MEMO1: variants seen among roughly 807,000 people sequenced by gnomAD.
MEMO1 encodes protein MEMO1.
Under a neutral mutation model 45.2 loss-of-function variants are expected in MEMO1, and 6 were observed. That is an observed-to-expected ratio of 0.13 (90% CI 0.07 to 0.26). The LOEUF is 0.26. Ranked by LOEUF, MEMO1 falls within the 10% of genes least tolerant of loss-of-function variation. The pLI is 1.00. For synonymous variants in MEMO1, 78 were observed against 124.3 expected (o/e 0.63, Z 2.48); for missense variants, 184 against 370.5 (o/e 0.50, Z 4.13).
At chr2:31,912,417 G>C (rs1008316730) in intron 6 of MEMO1, among the ~76,000 whole-genome samples, 2 of 151,558 alleles carry the variant, frequency 1.3e-5, no homozygotes, top group African/African-American at 4.9e-5. Flanking sequence ...GGAGGCTGAG[G>C]CAGGAGAATC....
At chr2:31,894,022 T>C (rs1441836682) in intron 6 of MEMO1, among the ~76,000 whole-genome samples, 1 of 152,198 alleles carries the variant, frequency 6.6e-6, no homozygotes, top group Non-Finnish European at 1.5e-5. Flanking sequence ...TGAAATGTAA[T>C]ACTACTAGGA....
intron 4 of MEMO1, among the ~76,000 whole-genome samples, chr2:31,924,251 C>T (rs931333985): frequency 3.3e-5 from 5 of 151,882 alleles, no homozygotes; most frequent in African/African-American, 9.7e-5. Context: ...GAATAGTGTA[C>T]ATTAAAGTTC....
At position 31,920,785 on chromosome 2, in the gene MEMO1, T is replaced by G; in HGVS notation, c.325+13A>C. The G allele has an allele frequency of 2.7e-6, 4 of 1,458,142 alleles. No homozygotes were observed. The South Asian group carries it at 3.9e-5, about 14-fold the overall frequency. The allele number at this position is 1,458,142 out of a possible 1,614,324, so 90.3% of individuals were successfully genotyped here. On this transcript the variant is annotated intron_variant, in intron 5 of 9. Coordinates refer to ENST00000404530, the MANE Select transcript of MEMO1 (RefSeq NM_001301833.4). ...TTAGCTATTTGAAAGCTATAATATT[T>G]CTATATACTTACTCTTTTGGTCAAT...
chr2:31,996,573 A>T (rs1177453995), intron 2 of MEMO1, among the ~76,000 whole-genome samples: 1 of 152,188 alleles, frequency 6.6e-6, no homozygotes, highest in African/African-American at 2.4e-5. Flanking sequence ...AGAAAAAATA[A>T]GACAAATCCC....
At chr2:31,987,919 T>A (rs1009003992) in intron 2 of MEMO1, among the ~76,000 whole-genome samples, 4 of 152,098 alleles carry the variant, frequency 2.6e-5, no homozygotes, top group Non-Finnish European at 4.4e-5. Context: ...AAAAATAAAA[T>A]CACCTGTAAT....
intron 6 of MEMO1, chr2:31,893,248 A>T (rs1677220383): frequency 1.1e-6 from 1 of 932,094 alleles, no homozygotes; most frequent in South Asian, 2.1e-5. Flanking sequence ...TTACCCTGTC[A>T]ATTGCGAAAT....
At chr2:31,955,971 G>C (rs969509742) in intron 2 of MEMO1, among the ~76,000 whole-genome samples, 19 of 151,896 alleles carry the variant, frequency 1.3e-4, no homozygotes, top group African/African-American at 4.4e-4. Context: ...TTAAATGAAG[G>C]CTTCAAAAAC....
At chr2:31,926,557 T>G (rs1369114980) in intron 4 of MEMO1, among the ~76,000 whole-genome samples, 1 of 151,830 alleles carries the variant, frequency 6.6e-6, no homozygotes, top group Non-Finnish European at 1.5e-5. Flanking sequence ...CATTAAGAAA[T>G]GTTATTTTTT....
chr2:31,899,006 C>A (rs1678332868), intron 6 of MEMO1, among the ~76,000 whole-genome samples: 1 of 152,032 alleles, frequency 6.6e-6, no homozygotes, highest in Admixed American at 6.6e-5. Context: ...GGTTTAAAGT[C>A]TGTTTTATCA....
At chr2:31,965,201 G>A (rs562541392) in intron 2 of MEMO1, among the ~76,000 whole-genome samples, 8 of 149,480 alleles carry the variant, frequency 5.4e-5, no homozygotes, top group Admixed American at 6.7e-5. Flanking sequence ...CAACAAGGGC[G>A]AAACTCCATC....
chr2:31,971,253 A>G lies in MEMO1; in HGVS notation c.62-27870T>C, dbSNP rs554786083. ...AGTCACCCAGAAAAATGTAAGCATA[A>G]ACCTTTTTTTTTGAAAAAGAGTCTT... On this transcript the variant is annotated intron_variant, in intron 2 of 9. Coordinates refer to ENST00000404530, the MANE Select transcript of MEMO1 (RefSeq NM_001301833.4). Among the ~76,000 whole-genome samples the G allele has an allele frequency of 5.9e-5, 9 of 152,156 alleles. No homozygotes were observed. In the South Asian group the frequency reaches 1.2e-3, roughly 21 times the overall value.
intron 6 of MEMO1, among the ~76,000 whole-genome samples, chr2:31,909,925 T>G (rs540819754): frequency 7.2e-5 from 11 of 151,994 alleles, no homozygotes; most frequent in African/African-American, 2.7e-4. Flanking sequence ...AAATTGACAC[T>G]TAGGTATATT....
chr2:31,920,719 A>G (rs1277079657), intron 5 of MEMO1, 79 bp downstream of exon 5: 8 of 761,170 alleles, frequency 1.1e-5, no homozygotes, highest in African/African-American at 1.8e-5. Context: ...TATGATATTC[A>G]TAAGTTTTTA....
chr2:31,968,405 CAGG>C (rs1437750422), intron 2 of MEMO1, among the ~76,000 whole-genome samples: 1 of 152,196 alleles, frequency 6.6e-6, no homozygotes, highest in Non-Finnish European at 1.5e-5. Context: ...GAACTATGTT[CAGG>C]AGCTGTCATG....
In MEMO1 at chr2:31,868,296, G is replaced by A; in HGVS notation, c.*65C>T. On this transcript the variant is annotated 3_prime_UTR_variant, in exon 10 of 10. Transcript: ENST00000404530. ...AAACCAGGACCAGTATCGTGGTAAA[G>A]GCTAGGCTGGGACCCCGGACAGAGT... is the stretch of plus-strand genomic sequence containing the variant. 14 of 1,411,398 alleles carry A rather than the reference G, an allele frequency of 9.9e-6. No individual in the cohort carries two copies. The highest frequency in any genetic ancestry group is 1.3e-5 in the Non-Finnish European group (14 of 1,076,860). The allele number at this position is 1,411,398 out of a possible 1,614,324, so 87.4% of individuals were successfully genotyped here. A position where few individuals can be genotyped will look rare whatever the true frequency, so the allele number is the denominator to read the frequency against.
At chr2:31,947,285 C>T (rs1374333846) in intron 2 of MEMO1, among the ~76,000 whole-genome samples, 4 of 152,162 alleles carry the variant, frequency 2.6e-5, no homozygotes, top group Non-Finnish European at 4.4e-5. Context: ...TGTAAAAAGA[C>T]CAATTTCTTC....
chr2:31,917,221 T>C (rs1681589416), intron 6 of MEMO1, among the ~76,000 whole-genome samples: 1 of 152,148 alleles, frequency 6.6e-6, no homozygotes, highest in Admixed American at 6.5e-5. Context: ...ATTAAGTCCA[T>C]ATATAGGAAA....
At chr2:31,908,019 A>C (rs925747752) in intron 6 of MEMO1, among the ~76,000 whole-genome samples, 2 of 152,184 alleles carry the variant, frequency 1.3e-5, no homozygotes, top group African/African-American at 4.8e-5. Context: ...ATGGTAAAAA[A>C]AATTCTTTTT....
Position 31,940,725 on chromosome 2 carries a change from G to A in MEMO1, c.143+2577C>T, listed in dbSNP as rs186913310. Among the ~76,000 whole-genome samples the A allele has an allele frequency of 1.1e-3, 163 of 152,232 alleles. 1 individual carries two copies. Among genetic ancestry groups the A allele is most frequent in the African/African-American group, 3.9e-3 (161 of 41,540 alleles). On this transcript the variant is annotated intron_variant, in intron 3 of 9. Transcript: ENST00000404530. ...TCCAGCTAATTTTTGTAGAGATGGA[G>A]TCTTGTTTTGTTGCCCATGCTGATC...
Sources: gnomAD v4.1 joint callset for allele counts (sites outside exome capture counted in the v4.1 genomes callset) on GRCh38, gnomAD v4.1.1 for gene constraint, MANE v1.5 for transcripts, NCBI Gene and HGNC (gene_info 2026-07-23, HGNC 2026-07-21) for gene names.